ITPK1: variants seen among roughly 807,000 people sequenced by gnomAD.
The protein encoded by ITPK1 is inositol 1,3,4-trisphosphate 5/6-kinase.
In ITPK1, 21 loss-of-function variants were observed where a neutral mutation model predicts 45.3. The observed-to-expected ratio is 0.46, with a 90% CI of 0.33 to 0.67. ITPK1 has a LOEUF of 0.67. Among genes scored for constraint, ITPK1 ranks in the 30% least tolerant of loss-of-function variants. The probability of loss-of-function intolerance (pLI) is 0.02; values close to 1 mark genes in which losing one functional copy is unlikely to be tolerated. For synonymous variants in ITPK1, 258 were observed against 253.6 expected (o/e 1.02, Z -0.16); for missense variants, 474 against 573.5 (o/e 0.83, Z 1.77).
chr14:93,049,281 G>A (rs767453566), intron 3 of ITPK1, among the ~76,000 whole-genome samples: 10 of 152,184 alleles, frequency 6.6e-5, no homozygotes, highest in Non-Finnish European at 1.2e-4. Flanking sequence ...CTGCATGCAG[G>A]GCTCTGTGCT....
chr14:93,114,200 G>A (rs971947057), intron 2 of ITPK1, among the ~76,000 whole-genome samples: 1 of 152,258 alleles, frequency 6.6e-6, no homozygotes, highest in Admixed American at 6.5e-5. Flanking sequence ...CTTCTCAGAG[G>A]CAAAGCTACA....
chr14:93,026,004 C>T (rs1008080788), intron 3 of ITPK1, among the ~76,000 whole-genome samples: 4 of 152,132 alleles, frequency 2.6e-5, no homozygotes, highest in Admixed American at 2.6e-4. Context: ...GCACACCACG[C>T]CCACGCCTGT....
At chr14:93,089,338 C>T (rs1404086846) in intron 2 of ITPK1, among the ~76,000 whole-genome samples, 1 of 152,188 alleles carries the variant, frequency 6.6e-6, no homozygotes, top group Non-Finnish European at 1.5e-5. Context: ...CCTGTTCCTC[C>T]CCTCTCCACA....
intron 3 of ITPK1, among the ~76,000 whole-genome samples, chr14:93,039,351 C>T (rs996621600): frequency 2.6e-5 from 4 of 152,278 alleles, no homozygotes; most frequent in Middle Eastern, 3.4e-3. Flanking sequence ...CAAGACGCCT[C>T]CTCTTTTTTT....
At chr14:93,066,477 T>C (rs1890758312) in intron 3 of ITPK1, 1 of 322,644 alleles carries the variant, frequency 3.1e-6, no homozygotes, top group East Asian at 9.3e-5. Flanking sequence ...CGATCTCGGC[T>C]CACTGCAAGC....
chr14:93,040,486 G>C (rs969288479), intron 3 of ITPK1, among the ~76,000 whole-genome samples: 3 of 152,096 alleles, frequency 2.0e-5, no homozygotes, highest in Non-Finnish European at 4.4e-5. Context: ...AGCACACATG[G>C]TCCCCTGCCA....
intron 3 of ITPK1, among the ~76,000 whole-genome samples, chr14:93,027,867 C>T (rs1888820333): frequency 6.6e-6 from 1 of 152,222 alleles, no homozygotes; most frequent in Non-Finnish European, 1.5e-5. Flanking sequence ...CCCTTCCCTG[C>T]TCTCAGTGCC....
chr14:93,011,899 A>G (rs1177808224), intron 4 of ITPK1, among the ~76,000 whole-genome samples: 2 of 146,958 alleles, frequency 1.4e-5, no homozygotes, highest in Non-Finnish European at 3.0e-5. Flanking sequence ...CCTGCAGGAT[A>G]GAGTCCAAGC....
At chr14:92,984,726 T>C (rs1886411279) in intron 5 of ITPK1, among the ~76,000 whole-genome samples, 1 of 152,224 alleles carries the variant, frequency 6.6e-6, no homozygotes, top group Admixed American at 6.5e-5. Context: ...AGGTGCCACC[T>C]GGTGCCCTGT....
chr14:92,941,961 GGGA>G lies in ITPK1; in HGVS notation c.902-60_902-58del, dbSNP rs371485914. The G allele has an allele frequency of 7.1e-4, 1,046 of 1,474,674 alleles. 1 individual carries two copies. The highest frequency in any genetic ancestry group is 7.8e-4 in the Non-Finnish European group (838 of 1,071,318). 91.3% of individuals were successfully genotyped at this position (1,474,674 alleles called of 1,614,324 possible). A position where few individuals can be genotyped will look rare whatever the true frequency, so the allele number is the denominator to read the frequency against. Reference sequence around the variant, plus strand: ...GTGAGCCAGGGGCACGCATCATGCAGGGAGGAGGAGGAGGAGGCAGAACCGATG... The same window carrying G: ...GTGAGCCAGGGGCACGCATCATGCAGGGAGGAGGAGGAGGCAGAACCGATG... On this transcript the variant is annotated intron_variant, in intron 10 of 10. Coordinates refer to ENST00000267615, the MANE Select transcript of ITPK1 (RefSeq NM_014216.6).
At chr14:93,069,742 G>C (rs1890911458) in intron 3 of ITPK1, 2 of 152,310 alleles carry the variant, frequency 1.3e-5, no homozygotes, top group African/African-American at 4.8e-5. Context: ...TTGGGTCTTA[G>C]TGTCTCTTTC....
intron 2 of ITPK1, among the ~76,000 whole-genome samples, chr14:93,099,268 T>C (rs1595215360): frequency 6.6e-6 from 1 of 152,034 alleles, no homozygotes; most frequent in East Asian, 1.9e-4. Flanking sequence ...CCCCAGCCAC[T>C]AGTTCACAGC....
intron 3 of ITPK1, among the ~76,000 whole-genome samples, chr14:93,064,489 C>A (rs575001988): frequency 6.6e-6 from 1 of 152,038 alleles, no homozygotes; most frequent in East Asian, 1.9e-4. Context: ...CTGATCAAAG[C>A]CCCCTCTCAG....
At chr14:93,038,242 C>A (rs1889402238) in intron 3 of ITPK1, among the ~76,000 whole-genome samples, 1 of 152,134 alleles carries the variant, frequency 6.6e-6, no homozygotes, top group Non-Finnish European at 1.5e-5. Context: ...GCCGTGTCAG[C>A]CAGGCTGGTC....
intron 2 of ITPK1, among the ~76,000 whole-genome samples, chr14:93,081,898 G>A (rs1422173604): frequency 6.6e-6 from 1 of 152,226 alleles, no homozygotes; most frequent in African/African-American, 2.4e-5. Flanking sequence ...TGCCAGGGCA[G>A]ATAACCTGAG....
chr14:92,973,429 T>C (rs1885758065), intron 5 of ITPK1, among the ~76,000 whole-genome samples: 1 of 152,202 alleles, frequency 6.6e-6, no homozygotes, highest in South Asian at 2.1e-4. Flanking sequence ...GCGCTGTGGG[T>C]CTGGAACAGC....
intron 2 of ITPK1, among the ~76,000 whole-genome samples, chr14:93,077,819 T>G (rs950797162): frequency 6.6e-6 from 1 of 152,142 alleles, no homozygotes; most frequent in African/African-American, 2.4e-5. Flanking sequence ...TTCTGGGGTA[T>G]TGATTGCTAC....
intron 7 of ITPK1, among the ~76,000 whole-genome samples, chr14:92,959,479 T>C (rs1884936194): frequency 6.6e-6 from 1 of 152,108 alleles, no homozygotes; most frequent in Non-Finnish European, 1.5e-5. Context: ...AAAGTGTGTG[T>C]CTGTGCTGGG....
chr14:92,938,623 C>T lies in ITPK1; in HGVS notation c.*2938G>A. 9.6e-7 allele frequency: 1 copy of T among 1,041,060 alleles called. No individual in the cohort carries two copies. Among genetic ancestry groups the T allele is most frequent in the Non-Finnish European group, 1.5e-6 (1 of 677,262 alleles). 64.5% of individuals were successfully genotyped at this position (1,041,060 alleles called of 1,614,324 possible). ...CCAGGCACAGGAAGCCCCATGGAAC[C>T]TGCCAGGTTGCAGCTGGGTCCAATC... On this transcript the variant is annotated 3_prime_UTR_variant, in exon 11 of 11. Coordinates refer to ENST00000267615, the MANE Select transcript of ITPK1 (RefSeq NM_014216.6).
Sources: allele counts gnomAD v4.1 joint callset (sites outside exome capture counted in the v4.1 genomes callset), GRCh38; gene constraint gnomAD v4.1.1; transcripts MANE v1.5; gene names NCBI Gene and HGNC (gene_info 2026-07-23, HGNC 2026-07-21).